Variants in SPSB1 observed in about 807,000 individuals in gnomAD.
The protein encoded by SPSB1 is splA/ryanodine receptor domain and SOCS box containing 1, also known as SPRY domain-containing SOCS box protein 1.
Under a neutral mutation model 21.2 loss-of-function variants are expected in SPSB1, and 8 were observed. The ratio of observed to expected loss-of-function variants is 0.38; its 90% CI spans 0.22 to 0.68. SPSB1 has a LOEUF of 0.68. Among genes scored for constraint, SPSB1 ranks in the 30% least tolerant of loss-of-function variants. The pLI is 0.53. For missense variants in SPSB1, 242 were observed against 377.8 expected, an observed-to-expected ratio of 0.64 and a Z score of 2.98; for synonymous variants, 169 against 161.7, an observed-to-expected ratio of 1.05 and a Z score of -0.34.
At chr1:9,364,971 C>T (rs1384044471) in intron 2 of SPSB1, among the ~76,000 whole-genome samples, 1 of 152,162 alleles carries the variant, frequency 6.6e-6, no homozygotes, top group African/African-American at 2.4e-5. Flanking sequence ...CCTGCCTTAG[C>T]CTCCCGAGTA....
intron 1 of SPSB1, among the ~76,000 whole-genome samples, chr1:9,304,701 G>A (rs1207271236): frequency 6.6e-6 from 1 of 152,098 alleles, no homozygotes. Flanking sequence ...GGTCCATGGA[G>A]GTGCTTTGAA....
chr1:9,323,197 C>A (rs983128005), intron 1 of SPSB1, among the ~76,000 whole-genome samples: 1 of 152,258 alleles, frequency 6.6e-6, no homozygotes, highest in African/African-American at 2.4e-5. Context: ...GGCACTCAGC[C>A]TTTTCGCTCT....
rs917034398 is a variant in SPSB1 at position 9,293,601 on chromosome 1, C to G, written c.-150+530C>G. On this transcript the variant is annotated intron_variant, in intron 1 of 2. Transcript: ENST00000328089. The surrounding 1 kb of genome is among the most constrained non-coding windows in gnomAD (Gnocchi z 5.1). ...CCCCAGGGAGCCTGCCGGGGACACC[C>G]GAGCGCCGCCCTCCCCGCCGCCCCG... is the stretch of plus-strand genomic sequence containing the variant. Among the ~76,000 whole-genome samples the G allele has an allele frequency of 2.6e-5, 4 of 152,048 alleles. No homozygotes were observed. The highest frequency in any genetic ancestry group is 1.3e-4 in the Admixed American group (2 of 15,282).
At chr1:9,361,121 A>T (rs2100520022) in intron 2 of SPSB1, among the ~76,000 whole-genome samples, 1 of 132,346 alleles carries the variant, frequency 7.6e-6, no homozygotes, top group East Asian at 2.5e-4. Context: ...TGACAGATGG[A>T]GGCTCTGGCC....
chr1:9,328,530 G>A (rs775731000), intron 1 of SPSB1, among the ~76,000 whole-genome samples: 1 of 152,198 alleles, frequency 6.6e-6, no homozygotes, highest in Non-Finnish European at 1.5e-5. Context: ...TTCTTTCAAT[G>A]CTTCGTTTTA....
At chr1:9,355,163 C>G (rs1397007421) in intron 1 of SPSB1, among the ~76,000 whole-genome samples, 1 of 152,224 alleles carries the variant, frequency 6.6e-6, no homozygotes, top group Non-Finnish European at 1.5e-5. Context: ...CAAGCGCACA[C>G]AGACCCCTGA....
intron 1 of SPSB1, among the ~76,000 whole-genome samples, chr1:9,323,163 G>A (rs2100484788): frequency 6.6e-6 from 1 of 152,376 alleles, no homozygotes; most frequent in South Asian, 2.1e-4. Flanking sequence ...TGTTGGAGGG[G>A]GGTATCCATG....
intron 2 of SPSB1, among the ~76,000 whole-genome samples, chr1:9,357,843 C>T (rs573567236): frequency 2.0e-5 from 3 of 152,012 alleles, no homozygotes; most frequent in Admixed American, 6.6e-5. Context: ...ACCCCGTGTA[C>T]GGCCCTCTCT....
chr1:9,338,290 G>A (rs1368432057), intron 1 of SPSB1, among the ~76,000 whole-genome samples: 1 of 152,192 alleles, frequency 6.6e-6, no homozygotes, highest in African/African-American at 2.4e-5. Context: ...CCCTTTGTGG[G>A]GTGCCCCTGC....
At chr1:9,303,319 A>G (rs1639364048) in intron 1 of SPSB1, among the ~76,000 whole-genome samples, 1 of 152,240 alleles carries the variant, frequency 6.6e-6, no homozygotes, top group Non-Finnish European at 1.5e-5. Flanking sequence ...TGCCACTTAA[A>G]GAACCACAGC....
Position 9,368,324 on chromosome 1 carries a change from T to A in SPSB1, c.*749T>A, listed in dbSNP as rs989361643. The A allele has an allele frequency of 2.6e-5, 4 of 152,388 alleles. No individual in the cohort carries two copies. The highest frequency in any genetic ancestry group is 9.6e-5 in the African/African-American group (4 of 41,454). 9.4% of individuals were successfully genotyped at this position (152,388 alleles called of 1,614,324 possible). On this transcript the variant is annotated 3_prime_UTR_variant, in exon 3 of 3. Coordinates refer to ENST00000328089, the MANE Select transcript of SPSB1 (RefSeq NM_025106.4). ...ATATGTATGCCTCGCCCGCCCTCCCTGGGCACATGTGCACACGTGCCCAGG... is the reference window on the plus strand; with the variant it reads ...ATATGTATGCCTCGCCCGCCCTCCCAGGGCACATGTGCACACGTGCCCAGG...
At chr1:9,366,908 T>A (rs1640581321) in intron 2 of SPSB1, among the ~76,000 whole-genome samples, 1 of 152,214 alleles carries the variant, frequency 6.6e-6, no homozygotes, top group Non-Finnish European at 1.5e-5. Context: ...GAGAATGGTA[T>A]CTGAGAGCAG....
At chr1:9,299,775 G>A (rs545686777) in intron 1 of SPSB1, among the ~76,000 whole-genome samples, 2 of 152,020 alleles carry the variant, frequency 1.3e-5, no homozygotes, top group African/African-American at 2.4e-5. Flanking sequence ...CACTGCGCCC[G>A]GGCCGACATC....
intron 1 of SPSB1, among the ~76,000 whole-genome samples, chr1:9,304,219 G>A (rs1176189583): frequency 6.6e-6 from 1 of 152,116 alleles, no homozygotes; most frequent in Non-Finnish European, 1.5e-5. Flanking sequence ...TGGTCCCCGG[G>A]GTCTTTGGCC....
Position 9,351,317 on chromosome 1 carries a change from G to A in SPSB1, c.-149-4426G>A, listed in dbSNP as rs148389657. On this transcript the variant is annotated intron_variant, in intron 1 of 2. Coordinates refer to ENST00000328089, the MANE Select transcript of SPSB1 (RefSeq NM_025106.4). ...CCTTGGGTCTTGGCCCAAAGGCAGC[G>A]TCCCTCTGTAGGGCCAGATGTGGTG... 7.8e-3 allele frequency: 1,189 copies of A among 152,364 alleles called. 6 individuals carry two copies. Among genetic ancestry groups the A allele is most frequent in the Non-Finnish European group, 0.012 (806 of 68,044 alleles). 9.4% of individuals were successfully genotyped at this position (152,364 alleles called of 1,614,324 possible). A position where few individuals can be genotyped will look rare whatever the true frequency, so the allele number is the denominator to read the frequency against.
intron 1 of SPSB1, among the ~76,000 whole-genome samples, chr1:9,326,080 A>G (rs1000295711): frequency 6.6e-6 from 1 of 151,660 alleles, no homozygotes; most frequent in Admixed American, 6.6e-5. Context: ...CCCTTAGTTC[A>G]TCTGTCCCCA....
intron 1 of SPSB1, among the ~76,000 whole-genome samples, chr1:9,295,227 TGTGTGTGTGTGTGTGC>T (rs1557442081): frequency 4.0e-5 from 6 of 150,370 alleles, no homozygotes; most frequent in African/African-American, 7.4e-5. Context: ...AGTGTGTGTG[TGTGTGTGTGTGTGTGC>T]GCGCGTGCGG....
Position 9,343,934 on chromosome 1 carries a change from T to C in SPSB1, c.-149-11809T>C, listed in dbSNP as rs61681348. On this transcript the variant is annotated intron_variant, in intron 1 of 2. Coordinates refer to ENST00000328089, the MANE Select transcript of SPSB1 (RefSeq NM_025106.4). ...CCAAGTAGCTGGGACTAGAGGCGCC[T>C]GCCACCACGCCTGGCTAATTTTTTG... Among the ~76,000 whole-genome samples, 653 of 152,204 alleles carry C rather than the reference T, an allele frequency of 4.3e-3. 5 individuals carry two copies. The highest frequency in any genetic ancestry group is 0.013 in the African/African-American group (556 of 41,534).
At chr1:9,294,692 T>A (rs1176266737) in intron 1 of SPSB1, 1 of 152,216 alleles carries the variant, frequency 6.6e-6, no homozygotes, top group Non-Finnish European at 1.5e-5. Context: ...CCATCCCTGG[T>A]GACTAAGGTT....
Sources: gnomAD v4.1 joint callset for allele counts (sites outside exome capture counted in the v4.1 genomes callset) on GRCh38, gnomAD v4.1.1 for gene constraint, Gnocchi (gnomAD v3.1) non-coding constraint, MANE v1.5 for transcripts, NCBI Gene and HGNC (gene_info 2026-07-23, HGNC 2026-07-21) for gene names.